Variants in SORCS1 observed in about 807,000 individuals in gnomAD.
SORCS1 encodes VPS10 domain-containing receptor SorCS1.
A neutral mutation model predicts 146.1 loss-of-function variants in SORCS1; 60 were observed. The ratio of observed to expected loss-of-function variants is 0.41; its 90% CI spans 0.33 to 0.51. The LOEUF (loss-of-function observed/expected upper bound fraction) is 0.51, where lower values mean the gene tolerates loss of function less well. Among genes scored for constraint, SORCS1 ranks in the 20% least tolerant of loss-of-function variants. The pLI is 0.21. For synonymous variants in SORCS1, 637 were observed against 584.0 expected (o/e 1.09, Z -1.31); for missense variants, 1,352 against 1,487.6 (o/e 0.91, Z 1.50).
At chr10:106,599,200 T>G (rs2133329100) in intron 23 of SORCS1, among the ~76,000 whole-genome samples, 1 of 152,052 alleles carries the variant, frequency 6.6e-6, no homozygotes, top group Non-Finnish European at 1.5e-5. Context: ...ATCCCATCTC[T>G]ACTAAAACTA....
chr10:106,969,720 C>T (rs897208910), intron 1 of SORCS1, among the ~76,000 whole-genome samples: 4 of 152,162 alleles, frequency 2.6e-5, no homozygotes, highest in African/African-American at 4.8e-5. Context: ...GGTGGTTTAG[C>T]GGAAATGAGT....
intron 1 of SORCS1, among the ~76,000 whole-genome samples, chr10:107,104,632 G>A (rs1210938074): frequency 6.6e-6 from 1 of 152,164 alleles, no homozygotes; most frequent in Non-Finnish European, 1.5e-5. Context: ...TTCCAGGGAG[G>A]GATGGCTGAA....
intron 24 of SORCS1, among the ~76,000 whole-genome samples, chr10:106,581,129 G>A (rs1054054089): frequency 1.3e-5 from 2 of 152,206 alleles, no homozygotes; most frequent in Non-Finnish European, 1.5e-5. Flanking sequence ...CTGGTAGGAT[G>A]TCATCAGGGG....
chr10:107,063,427 A>C (rs1961429582), intron 1 of SORCS1, among the ~76,000 whole-genome samples: 2 of 152,218 alleles, frequency 1.3e-5, no homozygotes, highest in African/African-American at 4.8e-5. Context: ...TCTGCAGGAC[A>C]AATCATTTAA....
At chr10:106,686,222 GA>G (rs1300470654) in intron 10 of SORCS1, among the ~76,000 whole-genome samples, 1 of 152,186 alleles carries the variant, frequency 6.6e-6, no homozygotes, top group Non-Finnish European at 1.5e-5. Context: ...TGCTGGCTTG[GA>G]TTAGGGCAGT....
At position 106,726,154 on chromosome 10, in the gene SORCS1, C is replaced by G. The variant is rs558280680; in HGVS notation, c.1024+3896G>C. ...GTTGTTGTTGTTGTTTTAACTGGAG[C>G]CTTGGTTATTGAGACAATCTCTTTC... On this transcript the variant is annotated intron_variant, in intron 6 of 25. Coordinates refer to ENST00000263054, the MANE Select transcript of SORCS1 (RefSeq NM_052918.5). Among the ~76,000 whole-genome samples the G allele has an allele frequency of 1.7e-4, 23 of 136,572 alleles. No homozygotes were observed. The South Asian group carries it at 5.3e-3, about 32-fold the overall frequency. 89.6% of individuals were successfully genotyped at this position (136,572 alleles called of 152,430 possible).
chr10:106,764,809 G>A (rs1172254003), intron 4 of SORCS1, among the ~76,000 whole-genome samples: 1 of 152,020 alleles, frequency 6.6e-6, no homozygotes, highest in Non-Finnish European at 1.5e-5. Context: ...GGATCACGAG[G>A]TCAGGAGATT....
chr10:106,829,457 C>A (rs1322474698), intron 3 of SORCS1, 117 bp downstream of exon 3: 1 of 673,316 alleles, frequency 1.5e-6, no homozygotes. Flanking sequence ...ATCAACCCAT[C>A]TTTACATTTC....
intron 2 of SORCS1, among the ~76,000 whole-genome samples, chr10:106,909,873 G>C (rs964619085): frequency 6.6e-6 from 1 of 152,116 alleles, no homozygotes; most frequent in Admixed American, 6.5e-5. Context: ...TGCAGGTATT[G>C]CTATGCATGT....
chr10:106,826,091 AGTACCCCTAACAAGCTGCCTGCAAAG>A (rs1948292044), intron 3 of SORCS1, among the ~76,000 whole-genome samples: 1 of 152,248 alleles, frequency 6.6e-6, no homozygotes, highest in Admixed American at 6.5e-5. Context: ...GATCCCCGGT[AGTACCCCTAACAAGCTGCCTGCAAAG>A]GCAAGGCATG....
intron 19 of SORCS1, among the ~76,000 whole-genome samples, chr10:106,625,411 T>C (rs142879972): frequency 6.6e-6 from 1 of 152,278 alleles, no homozygotes; most frequent in East Asian, 1.9e-4. Flanking sequence ...AAAACAGAGT[T>C]TCTCAAATTT....
At chr10:106,785,979 T>G (rs2136460841) in intron 3 of SORCS1, among the ~76,000 whole-genome samples, 1 of 152,360 alleles carries the variant, frequency 6.6e-6, no homozygotes, top group African/African-American at 2.4e-5. Flanking sequence ...AGAGCATAAT[T>G]ACATCATCTG....
intron 2 of SORCS1, among the ~76,000 whole-genome samples, chr10:106,890,612 T>C (rs1951190780): frequency 6.6e-6 from 1 of 152,172 alleles, no homozygotes; most frequent in Non-Finnish European, 1.5e-5. Flanking sequence ...AATAAATCAG[T>C]GGGCTACTAG....
In SORCS1 at chr10:106,770,254, C is replaced by A. The variant is rs1053313437; in HGVS notation, c.885+6280G>T. On this transcript the variant is annotated intron_variant, in intron 4 of 25. Transcript: ENST00000263054. The stretch of plus-strand genomic sequence containing the variant: ...AGGCCTTAGGATTTTCTGTTTATTT[C>A]ATAAACTGTGATCCTTTGGAATTTA... Among the ~76,000 whole-genome samples, 8 of 152,156 alleles carry A rather than the reference C, an allele frequency of 5.3e-5. No individual in the cohort carries two copies. In the South Asian group the frequency reaches 6.2e-4, roughly 12 times the overall value.
intron 3 of SORCS1, among the ~76,000 whole-genome samples, chr10:106,779,037 G>A (rs146389438): frequency 1.3e-5 from 2 of 152,248 alleles, no homozygotes; most frequent in Non-Finnish European, 2.9e-5. Context: ...TTGGGTGCGA[G>A]TGGCAGAGTA....
intron 24 of SORCS1, among the ~76,000 whole-genome samples, chr10:106,592,865 T>C (rs1845689149): frequency 6.6e-6 from 1 of 151,728 alleles, no homozygotes; most frequent in Non-Finnish European, 1.5e-5. Context: ...AAAGCAATTG[T>C]GGTGGCTCAT....
At chr10:107,042,052 A>C (rs2133995634) in intron 1 of SORCS1, among the ~76,000 whole-genome samples, 1 of 152,316 alleles carries the variant, frequency 6.6e-6, no homozygotes, top group Non-Finnish European at 1.5e-5. Flanking sequence ...GTAGCCTTTA[A>C]AACTTCACAG....
chr10:106,677,225 A>G lies in SORCS1; in HGVS notation c.1832+88T>C, dbSNP rs142918273. The G allele has an allele frequency of 3.6e-4, 451 of 1,238,366 alleles. 1 individual carries two copies. In the African/African-American group the frequency reaches 5.2e-3, roughly 14 times the overall value. 76.7% of individuals were successfully genotyped at this position (1,238,366 alleles called of 1,614,324 possible). A position where few individuals can be genotyped will look rare whatever the true frequency, so the allele number is the denominator to read the frequency against. ...TTGGTAACAGATTTACTACAGAAAC[A>G]GACACGGTTTGATAGCCTGACTCCT... On this transcript the variant is annotated intron_variant, in intron 13 of 25. Transcript: ENST00000263054.
intron 5 of SORCS1, among the ~76,000 whole-genome samples, chr10:106,756,360 A>ATTAATT (rs1176562827): frequency 1.3e-5 from 2 of 152,212 alleles, no homozygotes; most frequent in Admixed American, 6.5e-5. Context: ...TGAAGTAGGT[A>ATTAATT]TTAATTATTT....
Sources: allele counts gnomAD v4.1 joint callset (sites outside exome capture counted in the v4.1 genomes callset), GRCh38; gene constraint gnomAD v4.1.1; transcripts MANE v1.5; gene names NCBI Gene and HGNC (gene_info 2026-07-23, HGNC 2026-07-21).